Variants in CHD6 observed in about 807,000 individuals in gnomAD.
CHD6 encodes the protein chromodomain helicase DNA binding protein 6.
In CHD6, 50 loss-of-function variants were observed where a neutral mutation model predicts 276.9. That is an observed-to-expected ratio of 0.18 (90% CI 0.14 to 0.23). The LOEUF is 0.23. Among genes scored for constraint, CHD6 ranks in the 10% least tolerant of loss-of-function variants. The pLI is 1.00. For synonymous variants in CHD6, 1,173 were observed against 1,229.3 expected, an observed-to-expected ratio of 0.95 and a Z score of 0.96; for missense variants, 2,564 against 3,365.8, an observed-to-expected ratio of 0.76 and a Z score of 5.89.
At chr20:41,542,901 G>A (rs1395327106) in intron 2 of CHD6, among the ~76,000 whole-genome samples, 1 of 151,804 alleles carries the variant, frequency 6.6e-6, no homozygotes, top group Non-Finnish European at 1.5e-5. Flanking sequence ...TCAGGAGATT[G>A]AGACCATCCT....
In CHD6 at chr20:41,420,756, G is replaced by C; in HGVS notation, c.5879C>G (p.Pro1960Arg). 6.2e-7 allele frequency: 1 copy of C among 1,614,184 alleles called. No individual in the cohort carries two copies. Among genetic ancestry groups the C allele is most frequent in the South Asian group, 1.1e-5 (1 of 91,084 alleles). ...GAACAGATCTGGGATATAAGCCTTG[G>C]GTTTCTCGATTTCAAATTCATCATT... ...LENDEFEIEK[P>R]KAYIPDLFKS... The change falls in exon 31 of 37, where the codon CCC (proline) becomes CGC (arginine). Residue 1960 changes from proline to arginine, a missense_variant. Coordinates refer to ENST00000373233, the MANE Select transcript of CHD6 (RefSeq NM_032221.5).
chr20:41,455,246 C>A (rs536668048), intron 19 of CHD6, among the ~76,000 whole-genome samples: 6 of 152,266 alleles, frequency 3.9e-5, no homozygotes, highest in African/African-American at 1.4e-4. Context: ...TCAAACAGGT[C>A]ACAAAGCTCA....
intron 1 of CHD6, among the ~76,000 whole-genome samples, chr20:41,579,069 G>A (rs1296471235): frequency 1.4e-5 from 2 of 142,568 alleles, no homozygotes. Flanking sequence ...GGCAGAGGTT[G>A]CAGTGAGCCA....
intron 1 of CHD6, among the ~76,000 whole-genome samples, chr20:41,601,905 A>C (rs1299510642): frequency 1.3e-5 from 2 of 152,160 alleles, no homozygotes; most frequent in Non-Finnish European, 2.9e-5. Context: ...TTCCTGCCCT[A>C]CCTGGCACCG....
intron 1 of CHD6, among the ~76,000 whole-genome samples, chr20:41,553,363 C>CT (rs1180774855): frequency 6.4e-4 from 98 of 152,334 alleles, no homozygotes; most frequent in African/African-American, 2.3e-3. Context: ...TTGGTTTGGG[C>CT]TAATAACTCT....
intron 27 of CHD6, among the ~76,000 whole-genome samples, chr20:41,431,527 A>G (rs529471115): frequency 6.6e-6 from 1 of 152,184 alleles, no homozygotes; most frequent in Admixed American, 6.5e-5. Flanking sequence ...TCAATGCTAG[A>G]GAAAATTTGG....
At chr20:41,597,650 A>C (rs1164640078) in intron 1 of CHD6, among the ~76,000 whole-genome samples, 1 of 152,050 alleles carries the variant, frequency 6.6e-6, no homozygotes, top group Non-Finnish European at 1.5e-5. Context: ...CGCCCTCTCC[A>C]AAGTCAAGGA....
At chr20:41,528,823 C>T (rs183219596) in intron 3 of CHD6, among the ~76,000 whole-genome samples, 17 of 152,294 alleles carry the variant, frequency 1.1e-4, no homozygotes, top group Admixed American at 9.1e-4. Context: ...TACCTATCAC[C>T]TGTTTAGAAC....
intron 3 of CHD6, 24 bp downstream of exon 3, chr20:41,533,026 C>T: frequency 6.4e-7 from 1 of 1,556,806 alleles, no homozygotes; most frequent in Non-Finnish European, 8.6e-7. Flanking sequence ...GGCAAGTGCT[C>T]AGAGAAGGGA....
intron 1 of CHD6, among the ~76,000 whole-genome samples, chr20:41,618,094 C>T (rs1407948697): frequency 1.3e-5 from 2 of 149,156 alleles, no homozygotes; most frequent in African/African-American, 4.9e-5. Context: ...GAGCAGTAGC[C>T]TGGCGTGGCA....
intron 2 of CHD6, among the ~76,000 whole-genome samples, chr20:41,548,544 G>A (rs1331271245): frequency 6.6e-6 from 1 of 152,176 alleles, no homozygotes; most frequent in Non-Finnish European, 1.5e-5. Context: ...AAAAACGCTA[G>A]AAGAAAACCT....
In CHD6 at chr20:41,412,238, C is replaced by G. The variant is rs1296807704; in HGVS notation, c.7157G>C (p.Arg2386Thr). 2.5e-6 allele frequency: 4 copies of G among 1,614,184 alleles called. No homozygotes were observed. Among genetic ancestry groups the G allele is most frequent in the Non-Finnish European group, 3.4e-6 (4 of 1,180,002 alleles). ...TCCAGGTTCTTTACAGCGTGGCCTCCTCTGCTTTGGTTTGTCTGAAAAATT... is the reference window on the plus strand; with the variant it reads ...TCCAGGTTCTTTACAGCGTGGCCTCGTCTGCTTTGGTTTGTCTGAAAAATT... The part of the protein sequence containing the change: ...GANFSDKPKQ[R>T]RPRCKEPGKL... The change falls in exon 36 of 37, where the codon AGG (arginine) becomes ACG (threonine). Residue 2386 changes from arginine (R) to threonine (T), a missense_variant. Arg to Thr is a moderately conservative substitution (Grantham distance 71). This residue lies in a region of CHD6 where 1,024 missense variants were observed against 1,047.9 expected (regional missense o/e 0.98). Coordinates refer to ENST00000373233, the MANE Select transcript of CHD6 (RefSeq NM_032221.5).
intron 1 of CHD6, among the ~76,000 whole-genome samples, chr20:41,600,958 A>G (rs1234978856): frequency 6.6e-6 from 1 of 152,202 alleles, no homozygotes; most frequent in Non-Finnish European, 1.5e-5. Flanking sequence ...TCACTAGGAG[A>G]AAAAAGTGGA....
intron 1 of CHD6, among the ~76,000 whole-genome samples, chr20:41,572,130 A>C (rs928965073): frequency 6.6e-6 from 1 of 152,200 alleles, no homozygotes. Flanking sequence ...CTTCAGTACT[A>C]GCTCTGTAAT....
chr20:41,504,403 CTTTTTTTT>C (rs200549678), intron 5 of CHD6, among the ~76,000 whole-genome samples: 55 of 109,950 alleles, frequency 5.0e-4, no homozygotes, highest in Admixed American at 8.8e-4. Context: ...CCTCTATTTT[CTTTTTTTT>C]TTTTTTTTTT....
chr20:41,492,863 G>C (rs1166343577), intron 10 of CHD6, among the ~76,000 whole-genome samples: 1 of 152,232 alleles, frequency 6.6e-6, no homozygotes, highest in African/African-American at 2.4e-5. Context: ...GGAGGTTGCA[G>C]TGAGCTGAGA....
In CHD6 at chr20:41,403,019, CTTCT is replaced by C. The variant is rs971386499; in HGVS notation, c.*1570_*1573del. ...TTTTTTTCAGTCATGATTTAACAGA[CTTCT>C]TTGAGATGCTCATTTTAACATTTAC... On this transcript the variant is annotated 3_prime_UTR_variant, in exon 37 of 37. Transcript: ENST00000373233. 26 of 211,812 alleles carry C rather than the reference CTTCT, an allele frequency of 1.2e-4. 1 individual carries two copies. The highest frequency in any genetic ancestry group is 7.3e-5 in the East Asian group (1 of 13,746). The allele number at this position is 211,812 out of a possible 1,614,324, so 13.1% of individuals were successfully genotyped here. A position where few individuals can be genotyped will look rare whatever the true frequency, so the allele number is the denominator to read the frequency against.
At chr20:41,431,143 T>C (rs2047525362) in intron 27 of CHD6, among the ~76,000 whole-genome samples, 1 of 152,128 alleles carries the variant, frequency 6.6e-6, no homozygotes, top group Admixed American at 6.5e-5. Flanking sequence ...AGAACATGGA[T>C]TTGAATTGTC....
chr20:41,451,810 C>T lies in CHD6; in HGVS notation c.3523+16G>A, dbSNP rs2048249801. ...TGGGAATCGTGCTTCTTAGGCATGG[C>T]CCTGCCACCTCTCACCTGAGTGGTT... On this transcript the variant is annotated intron_variant, in intron 22 of 36. Coordinates refer to ENST00000373233, the MANE Select transcript of CHD6 (RefSeq NM_032221.5). 3 of 1,613,160 alleles carry T rather than the reference C, an allele frequency of 1.9e-6. No individual in the cohort carries two copies. Among genetic ancestry groups the T allele is most frequent in the Non-Finnish European group, 2.5e-6 (3 of 1,179,136 alleles).
Sources: gnomAD v4.1 joint callset for allele counts (sites outside exome capture counted in the v4.1 genomes callset) on GRCh38, gnomAD v4.1.1 for gene constraint, gnomAD v4.1.1 regional missense constraint, MANE v1.5 for transcripts, NCBI Gene and HGNC (gene_info 2026-07-23, HGNC 2026-07-21) for gene names.